AIG1: variants seen among roughly 807,000 people sequenced by gnomAD.
AIG1 encodes androgen induced 1.
In AIG1, 23 loss-of-function variants were observed where a neutral mutation model predicts 31.4. The observed-to-expected ratio is 0.73, with a 90% CI of 0.53 to 1.04. The LOEUF (loss-of-function observed/expected upper bound fraction) is 1.04. Ranked by LOEUF, AIG1 falls within the 50% of genes least tolerant of loss-of-function variation. The probability of loss-of-function intolerance (pLI) is 0.00; values close to 1 mark genes in which losing one functional copy is unlikely to be tolerated. For synonymous variants in AIG1, 100 were observed against 110.5 expected (o/e 0.90, Z 0.60); for missense variants, 274 against 295.0 (o/e 0.93, Z 0.52).
rs10690751 is a variant in AIG1, at chr6:143,185,194, C to CAA, written c.399+20026_399+20027dup. On this transcript the variant is annotated intron_variant, in intron 3 of 5. Coordinates refer to ENST00000357847, the MANE Select transcript of AIG1 (RefSeq NM_016108.4). ...CTGGCGACAGAGCGAGACTCCATCTCAAAAAAAAAAAAAAAATTCAATCTC... is the reference window on the plus strand; with the variant it reads ...CTGGCGACAGAGCGAGACTCCATCTCAAAAAAAAAAAAAAAAAATTCAATCTC... 7.1e-3 allele frequency among the ~76,000 whole-genome samples: 964 copies of CAA among 134,920 alleles called. 7 individuals carry two copies. Among genetic ancestry groups the CAA allele is most frequent in the African/African-American group, 0.021 (766 of 36,196 alleles). The allele number at this position is 134,920 out of a possible 152,430, so 88.5% of individuals were successfully genotyped here.
chr6:143,080,864 C>T (rs1418096576), intron 1 of AIG1, among the ~76,000 whole-genome samples: 3 of 151,988 alleles, frequency 2.0e-5, no homozygotes, highest in African/African-American at 7.3e-5. Context: ...TGGGTAGGGT[C>T]CTTCCCAGGA....
chr6:143,151,299 C>G (rs540177069), intron 2 of AIG1, among the ~76,000 whole-genome samples: 54 of 152,164 alleles, frequency 3.5e-4, no homozygotes, highest in Non-Finnish European at 6.2e-4. Flanking sequence ...AAGTGTGCTC[C>G]CATTTAGAGA....
At chr6:143,262,879 G>A (rs1375149488) in intron 3 of AIG1, among the ~76,000 whole-genome samples, 1 of 152,066 alleles carries the variant, frequency 6.6e-6, no homozygotes, top group Non-Finnish European at 1.5e-5. Flanking sequence ...TCTCAAATGC[G>A]TTGTTATTGC....
At chr6:143,259,233 C>G (rs1037434378) in intron 3 of AIG1, among the ~76,000 whole-genome samples, 5 of 152,212 alleles carry the variant, frequency 3.3e-5, no homozygotes, top group African/African-American at 4.8e-5. Flanking sequence ...ATAAAATACT[C>G]AGCCTTGGGT....
chr6:143,146,487 T>G (rs1784724543), intron 2 of AIG1, among the ~76,000 whole-genome samples: 1 of 150,032 alleles, frequency 6.7e-6, no homozygotes. Flanking sequence ...TCCCCCCTCT[T>G]TCCCTCTATC....
At chr6:143,068,249 T>C (rs1012753667) in intron 1 of AIG1, among the ~76,000 whole-genome samples, 28 of 152,250 alleles carry the variant, frequency 1.8e-4, no homozygotes, top group Non-Finnish European at 7.3e-5. Flanking sequence ...TGAAATGTCA[T>C]GTTTCTGGGG....
intron 1 of AIG1, among the ~76,000 whole-genome samples, chr6:143,130,169 T>A (rs1203606916): frequency 6.6e-6 from 1 of 151,938 alleles, no homozygotes; most frequent in Non-Finnish European, 1.5e-5. Flanking sequence ...GACCTCGTGA[T>A]CCACCCATCT....
chr6:143,138,763 GGCTCCTTTAGTCCCA>G (rs1281767531), intron 2 of AIG1, among the ~76,000 whole-genome samples: 1 of 151,814 alleles, frequency 6.6e-6, no homozygotes, highest in East Asian at 1.9e-4. Flanking sequence ...CGTGGTGGTG[GGCTCCTTTAGTCCCA>G]GCTACTCAGG....
chr6:143,096,147 T>G (rs547230971), intron 1 of AIG1, among the ~76,000 whole-genome samples: 1 of 152,166 alleles, frequency 6.6e-6, no homozygotes, highest in South Asian at 2.1e-4. Context: ...ACCTTGGAAT[T>G]TGCCTGCTTT....
intron 3 of AIG1, among the ~76,000 whole-genome samples, chr6:143,235,581 A>G (rs921039650): frequency 1.3e-5 from 2 of 152,040 alleles, no homozygotes; most frequent in Non-Finnish European, 2.9e-5. Context: ...CCATGTTCCC[A>G]GGCTCCCCAT....
chr6:143,186,871 C>G (rs1385292096), intron 3 of AIG1: 1 of 160,076 alleles, frequency 6.2e-6, no homozygotes, highest in Non-Finnish European at 1.4e-5. Flanking sequence ...CTGTACTGAG[C>G]TCTACTCATA....
At chr6:143,196,397 C>A (rs9390066) in intron 3 of AIG1, among the ~76,000 whole-genome samples, 15 of 119,296 alleles carry the variant, frequency 1.3e-4, no homozygotes, top group Admixed American at 9.9e-4. Flanking sequence ...ACACACACAC[C>A]CCAATTTGAT....
In AIG1 at chr6:143,226,248, T is replaced by TATA. The variant is rs1393353463; in HGVS notation, c.400-57862_400-57861insATA. On this transcript the variant is annotated intron_variant, in intron 3 of 5. Transcript: ENST00000357847. ...ATTCTTCTTAACTATATATATATATTTTTTTTTTTTTGAGATGGAGTCTCA... is the reference window on the plus strand; with the variant it reads ...ATTCTTCTTAACTATATATATATATTATATTTTTTTTTTTGAGATGGAGTCTCA... Among the ~76,000 whole-genome samples the TATA allele has an allele frequency of 3.0e-4, 36 of 118,678 alleles. No homozygotes were observed. In the South Asian group the frequency reaches 4.5e-3, roughly 15 times the overall value. 77.9% of individuals were successfully genotyped at this position (118,678 alleles called of 152,430 possible).
At chr6:143,067,407 A>G (rs940565902) in intron 1 of AIG1, among the ~76,000 whole-genome samples, 8 of 152,320 alleles carry the variant, frequency 5.3e-5, no homozygotes, top group South Asian at 2.1e-4. Context: ...TCAGAAAACC[A>G]GAGAGAGATG....
intron 1 of AIG1, among the ~76,000 whole-genome samples, chr6:143,066,930 G>T (rs1334661027): frequency 1.3e-5 from 2 of 152,204 alleles, no homozygotes; most frequent in African/African-American, 4.8e-5. Context: ...AGCACTGTGG[G>T]AGGCCATGGT....
rs17629317 is a variant in AIG1 at position 143,246,727 on chromosome 6, C to T, written c.400-37383C>T. Reference sequence around the variant, plus strand: ...GTTCTGTGTGTTTTACATATAAAAACTCATGTAATCCTCTTGACAGCCAGT... The same window carrying T: ...GTTCTGTGTGTTTTACATATAAAAATTCATGTAATCCTCTTGACAGCCAGT... On this transcript the variant is annotated intron_variant, in intron 3 of 5. Coordinates refer to ENST00000357847, the MANE Select transcript of AIG1 (RefSeq NM_016108.4). Among the ~76,000 whole-genome samples the T allele has an allele frequency of 1.7e-3, 263 of 152,324 alleles. 9 individuals carry two copies. In the East Asian group the frequency reaches 0.047, roughly 27 times the overall value.
intron 3 of AIG1, chr6:143,190,291 A>G (rs1332170058): frequency 2.0e-6 from 2 of 985,368 alleles, no homozygotes; most frequent in African/African-American, 1.7e-5. Flanking sequence ...GAGTCGAGAA[A>G]CAGAATAAAA....
chr6:143,187,645 G>C, intron 3 of AIG1: 2 of 1,536,100 alleles, frequency 1.3e-6, no homozygotes, highest in Admixed American at 2.0e-5. Context: ...AAAGCTTAAA[G>C]TTTTCTTGGC....
intron 3 of AIG1, among the ~76,000 whole-genome samples, chr6:143,214,352 A>G (rs1485049802): frequency 6.6e-6 from 1 of 152,238 alleles, no homozygotes; most frequent in Non-Finnish European, 1.5e-5. Context: ...TACACAAGTC[A>G]TTTAACCTTT....
Sources: allele counts gnomAD v4.1 joint callset (sites outside exome capture counted in the v4.1 genomes callset), GRCh38; gene constraint gnomAD v4.1.1; transcripts MANE v1.5; gene names NCBI Gene and HGNC (gene_info 2026-07-23, HGNC 2026-07-21).